SEMA3A: variants seen among roughly 807,000 people sequenced by gnomAD.
SEMA3A encodes the protein semaphorin-3A.
In SEMA3A, 29 loss-of-function variants were observed where a neutral mutation model predicts 97.9. The observed-to-expected ratio is 0.30, with a 90% CI of 0.22 to 0.40. The LOEUF (loss-of-function observed/expected upper bound fraction) is 0.40. SEMA3A is among the 10% of genes least tolerant of loss of function. SEMA3A has a pLI of 1.00. For synonymous variants in SEMA3A, 321 were observed against 323.7 expected, an observed-to-expected ratio of 0.99 and a Z score of 0.09; for missense variants, 763 against 951.3, an observed-to-expected ratio of 0.80 and a Z score of 2.60.
At chr7:84,353,115 A>G (rs1243385041) in intron 2 of SEMA3A, among the ~76,000 whole-genome samples, 1 of 151,822 alleles carries the variant, frequency 6.6e-6, no homozygotes, top group Non-Finnish European at 1.5e-5. Flanking sequence ...TACTTATAAT[A>G]CCCAATATAA....
chr7:84,203,513 T>C (rs1798406291), intron 3 of SEMA3A, among the ~76,000 whole-genome samples: 1 of 50,474 alleles, frequency 2.0e-5, no homozygotes, highest in African/African-American at 7.6e-5. Context: ...TATATATATA[T>C]ATATATATAT....
At position 84,305,478 on chromosome 7, in the gene SEMA3A, AC is replaced by A. The variant is rs572754259; in HGVS notation, c.-83+1728del. 6.8e-4 allele frequency among the ~76,000 whole-genome samples: 103 copies of A among 152,152 alleles called. No individual in the cohort carries two copies. In the Middle Eastern group the frequency reaches 0.017, roughly 25 times the overall value. On this transcript the variant is annotated intron_variant, in intron 3 of 3. Transcript: ENST00000424555. ...AAATATTTTGAGTTTTCATTGGTTG[AC>A]TTCTATCCACTATCCTGTTTCAATT...
intron 1 of SEMA3A, among the ~76,000 whole-genome samples, chr7:84,172,506 C>A (rs1322772836): frequency 6.6e-6 from 1 of 152,130 alleles, no homozygotes; most frequent in Non-Finnish European, 1.5e-5. Context: ...ACTTCAAGCT[C>A]CGCCTCCTGG....
At chr7:84,474,889 G>A (rs184172129) in intron 1 of SEMA3A, among the ~76,000 whole-genome samples, 191 of 151,856 alleles carry the variant, frequency 1.3e-3, no homozygotes, top group African/African-American at 4.1e-3. Flanking sequence ...GGATCAGAAC[G>A]CTTTGGAGAA....
At chr7:84,086,689 T>C (rs2115827510) in intron 4 of SEMA3A, among the ~76,000 whole-genome samples, 1 of 148,000 alleles carries the variant, frequency 6.8e-6, no homozygotes, top group East Asian at 2.0e-4. Flanking sequence ...ATGGAATATA[T>C]GTATATATAT....
chr7:84,404,424 T>C (rs1441586004), intron 1 of SEMA3A, among the ~76,000 whole-genome samples: 2 of 152,182 alleles, frequency 1.3e-5, no homozygotes, highest in African/African-American at 4.8e-5. Context: ...CTAATTGGTG[T>C]ACCTGAAAGT....
At chr7:83,968,622 CTT>C (rs1363856085) in intron 15 of SEMA3A, among the ~76,000 whole-genome samples, 1 of 152,004 alleles carries the variant, frequency 6.6e-6, no homozygotes, top group Non-Finnish European at 1.5e-5. Context: ...GCATGTCTGT[CTT>C]TGTTCTCTCT....
intron 1 of SEMA3A, among the ~76,000 whole-genome samples, chr7:84,454,627 T>G (rs746608140): frequency 2.0e-5 from 3 of 152,110 alleles, no homozygotes; most frequent in Non-Finnish European, 2.9e-5. Flanking sequence ...ATATTGTATA[T>G]TCATGTAATA....
rs552618310 is a variant in SEMA3A, at chr7:84,470,705, C to CT, written c.-246+21754dup. Among the ~76,000 whole-genome samples the CT allele has an allele frequency of 3.8e-3, 571 of 149,324 alleles. 3 individuals carry two copies. The highest frequency in any genetic ancestry group is 0.01 in the African/African-American group (426 of 40,792). ...AATCCCAGAACTCTTCTCCAATTAT[C>CT]TTTTTTTTTTAACACTTCTCTTTTA... is the stretch of plus-strand genomic sequence containing the variant. On this transcript the variant is annotated intron_variant, in intron 1 of 3. Transcript: ENST00000424555.
chr7:84,377,960 G>C (rs1803151576), intron 1 of SEMA3A, among the ~76,000 whole-genome samples: 1 of 152,056 alleles, frequency 6.6e-6, no homozygotes. Flanking sequence ...CCAGTAACAT[G>C]TGGTGCTATC....
At chr7:84,064,575 A>T (rs1485195228) in intron 4 of SEMA3A, among the ~76,000 whole-genome samples, 1 of 151,986 alleles carries the variant, frequency 6.6e-6, no homozygotes, top group African/African-American at 2.4e-5. Flanking sequence ...ATGGAGGAAG[A>T]TCTACCAAGC....
intron 3 of SEMA3A, among the ~76,000 whole-genome samples, chr7:84,203,068 T>C (rs1798394107): frequency 6.6e-6 from 1 of 152,190 alleles, no homozygotes. Context: ...AGGGCTATTG[T>C]ATTCCCCTAA....
At chr7:84,427,054 T>C (rs1246579230) in intron 1 of SEMA3A, among the ~76,000 whole-genome samples, 3 of 152,124 alleles carry the variant, frequency 2.0e-5, no homozygotes, top group African/African-American at 7.2e-5. Context: ...TTATAACTAT[T>C]GAGTAAAGAA....
rs1788269611 is a variant in SEMA3A at position 83,955,891 on chromosome 7, T to A, written c.*5480A>T. The A allele has an allele frequency of 6.6e-6, 1 of 152,182 alleles. No homozygotes were observed. The highest frequency in any genetic ancestry group is 2.4e-5 in the African/African-American group (1 of 41,444). 9.4% of individuals were successfully genotyped at this position (152,182 alleles called of 1,614,324 possible). A position where few individuals can be genotyped will look rare whatever the true frequency, so the allele number is the denominator to read the frequency against. The stretch of plus-strand genomic sequence containing the variant: ...TGAATTGTGATGACATGAACACATC[T>A]ATAAAAACTTTTGCTTAGGTCCTAT... On this transcript the variant is annotated 3_prime_UTR_variant, in exon 17 of 17. Transcript: ENST00000265362.
intron 12 of SEMA3A, among the ~76,000 whole-genome samples, chr7:83,988,155 C>T (rs1334150556): frequency 6.6e-6 from 1 of 152,062 alleles, no homozygotes; most frequent in South Asian, 2.1e-4. Context: ...GTTCCTTGCC[C>T]ACTCCTTTCT....
At chr7:84,100,875 T>C (rs148190078) in intron 4 of SEMA3A, among the ~76,000 whole-genome samples, 48 of 152,302 alleles carry the variant, frequency 3.2e-4, no homozygotes, top group Admixed American at 1.7e-3. Flanking sequence ...CTCTCAGATA[T>C]ATCTAATAAA....
intron 4 of SEMA3A, among the ~76,000 whole-genome samples, chr7:84,072,340 C>T (rs1371020231): frequency 6.6e-6 from 1 of 151,974 alleles, no homozygotes; most frequent in African/African-American, 2.4e-5. Flanking sequence ...CTTTGTGGAA[C>T]ATAAACTTAT....
chr7:83,994,501 A>T (rs1249181373), intron 12 of SEMA3A, among the ~76,000 whole-genome samples: 1 of 128,174 alleles, frequency 7.8e-6, no homozygotes, highest in Admixed American at 8.5e-5. Flanking sequence ...TTTGGTCTGG[A>T]TGTCCTTTCT....
At chr7:84,371,488 T>C (rs1421730770) in intron 2 of SEMA3A, among the ~76,000 whole-genome samples, 1 of 151,854 alleles carries the variant, frequency 6.6e-6, no homozygotes, top group Non-Finnish European at 1.5e-5. Context: ...TAGGTCTTAA[T>C]TGTTCAGACT....
Sources: allele counts gnomAD v4.1 joint callset (sites outside exome capture counted in the v4.1 genomes callset), GRCh38; gene constraint gnomAD v4.1.1; transcripts MANE v1.5; gene names NCBI Gene and HGNC (gene_info 2026-07-23, HGNC 2026-07-21).